JAKMIP1: variants seen among roughly 807,000 people sequenced by gnomAD.
The protein encoded by JAKMIP1 is janus kinase and microtubule interacting protein 1.
In JAKMIP1, 33 loss-of-function variants were observed where a neutral mutation model predicts 113.0. The ratio of observed to expected loss-of-function variants is 0.29; its 90% CI spans 0.22 to 0.39. JAKMIP1 has a LOEUF of 0.39. JAKMIP1 is among the 10% of genes least tolerant of loss of function. The pLI, the probability that JAKMIP1 is intolerant of heterozygous loss-of-function variation, is 1.00. For missense variants in JAKMIP1, 813 were observed against 1,080.5 expected (o/e 0.75, Z 3.47); for synonymous variants, 480 against 459.9 (o/e 1.04, Z -0.56).
chr4:6,082,849 A>G (rs1264578504), intron 5 of JAKMIP1, among the ~76,000 whole-genome samples: 1 of 152,172 alleles, frequency 6.6e-6, no homozygotes, highest in African/African-American at 2.4e-5. Context: ...AAGAGAGGTG[A>G]ACAGACCATG....
At position 6,060,510 on chromosome 4, in the gene JAKMIP1, G is replaced by A; in HGVS notation, c.1561-3C>T. 1 of 1,613,330 alleles carries A rather than the reference G, an allele frequency of 6.2e-7. No individual in the cohort carries two copies. The highest frequency in any genetic ancestry group is 8.5e-7 in the Non-Finnish European group (1 of 1,179,322). ...TCAGCTTGTAGCTGCTCCCGAGTCT[G>A]GAAGGGAAAAGACCAGGCAGTGAGC... On this transcript the variant is annotated splice_region_variant and splice_polypyrimidine_tract_variant and intron_variant, in intron 10 of 20. Transcript: ENST00000409021.
At chr4:6,128,424 G>C (rs1240394193) in intron 1 of JAKMIP1, among the ~76,000 whole-genome samples, 2 of 152,180 alleles carry the variant, frequency 1.3e-5, no homozygotes, top group Non-Finnish European at 2.9e-5. Flanking sequence ...GCTGCAAGCA[G>C]TGAATGAGCT....
chr4:6,186,210 G>C lies in JAKMIP1; in HGVS notation c.-148+14043C>G, dbSNP rs1308741242. ...CTTCCCTGGAGCTTGCCAGGGGCAG[G>C]TCAGGCGGATGGGCAGGATGCAGAC... On this transcript the variant is annotated intron_variant, in intron 1 of 20. Transcript: ENST00000409021. This position sits in a 1 kb window ranked among gnomAD's most constrained non-coding sequence, Gnocchi z 5.5. Among the ~76,000 whole-genome samples the C allele has an allele frequency of 1.3e-5, 2 of 152,334 alleles. No individual in the cohort carries two copies. Among genetic ancestry groups the C allele is most frequent in the East Asian group, 3.9e-4 (2 of 5,176 alleles).
rs759533222 is a variant in JAKMIP1, at chr4:6,064,857, G to T, written c.1431+23C>A. 1 of 1,613,434 alleles carries T rather than the reference G, an allele frequency of 6.2e-7. No homozygotes were observed. Among genetic ancestry groups the T allele is most frequent in the South Asian group, 1.1e-5 (1 of 91,036 alleles). On this transcript the variant is annotated intron_variant, in intron 9 of 20. Transcript: ENST00000409021. This position sits in a 1 kb window ranked among gnomAD's most constrained non-coding sequence, Gnocchi z 4.3. The stretch of plus-strand genomic sequence containing the variant: ...CCGAGAGCATCTGGGGTGAGGTCCC[G>T]CCCTCTCTGCAGGTTTGCTTACATC...
intron 20 of JAKMIP1, among the ~76,000 whole-genome samples, chr4:6,026,923 T>C (rs1458426404): frequency 1.3e-5 from 2 of 151,246 alleles, no homozygotes; most frequent in Non-Finnish European, 2.9e-5. Flanking sequence ...GTGTAATTTA[T>C]GTGTGGCCCA....
intron 8 of JAKMIP1, among the ~76,000 whole-genome samples, chr4:6,066,013 A>G (rs1298022898): frequency 2.6e-5 from 4 of 152,050 alleles, no homozygotes; most frequent in Non-Finnish European, 5.9e-5. Flanking sequence ...TTTCCCAAAC[A>G]GCCCCCGACA....
At chr4:6,082,556 T>G (rs1158171307) in intron 5 of JAKMIP1, among the ~76,000 whole-genome samples, 1 of 151,914 alleles carries the variant, frequency 6.6e-6, no homozygotes, top group African/African-American at 2.4e-5. Context: ...CAGGCTTGAG[T>G]GCCGTGGCGT....
At chr4:6,046,065 G>A (rs1029951673) in intron 16 of JAKMIP1, among the ~76,000 whole-genome samples, 2 of 152,166 alleles carry the variant, frequency 1.3e-5, no homozygotes, top group African/African-American at 2.4e-5. Flanking sequence ...AGTGCCTGTC[G>A]GCTCTAGGGT....
chr4:6,099,257 TCTC>T (rs2108861215), intron 3 of JAKMIP1, among the ~76,000 whole-genome samples: 1 of 152,372 alleles, frequency 6.6e-6, no homozygotes, highest in South Asian at 2.1e-4. Flanking sequence ...TGCTGTCTCT[TCTC>T]CATTTGTCTC....
Position 6,193,108 on chromosome 4 carries a change from T to C in JAKMIP1, c.-148+7145A>G, listed in dbSNP as rs967244258. 6.6e-6 allele frequency among the ~76,000 whole-genome samples: 1 copy of C among 152,006 alleles called. No homozygotes were observed. Among genetic ancestry groups the C allele is most frequent in the African/African-American group, 2.4e-5 (1 of 41,374 alleles). On this transcript the variant is annotated intron_variant, in intron 1 of 20. Coordinates refer to ENST00000409021, the MANE Select transcript of JAKMIP1 (RefSeq NM_001099433.2). The surrounding 1 kb of genome is among the most constrained non-coding windows in gnomAD (Gnocchi z 6.4). ...AAGATGGAAGAGCAAACTTGCTGAG[T>C]CTTCTGGCCCCATCTTTCTCCCATG...
intron 1 of JAKMIP1, among the ~76,000 whole-genome samples, chr4:6,113,298 A>G (rs1360238791): frequency 6.6e-6 from 1 of 152,216 alleles, no homozygotes; most frequent in Non-Finnish European, 1.5e-5. Context: ...GGATGAGACC[A>G]GCCCATCTCA....
chr4:6,158,619 C>T lies in JAKMIP1; in HGVS notation c.-148+41634G>A, dbSNP rs1391784828. Among the ~76,000 whole-genome samples, 1 of 152,024 alleles carries T rather than the reference C, an allele frequency of 6.6e-6. No homozygotes were observed. The highest frequency in any genetic ancestry group is 1.5e-5 in the Non-Finnish European group (1 of 68,018). On this transcript the variant is annotated intron_variant, in intron 1 of 20. Coordinates refer to ENST00000409021, the MANE Select transcript of JAKMIP1 (RefSeq NM_001099433.2). This position sits in a 1 kb window ranked among gnomAD's most constrained non-coding sequence, Gnocchi z 5.3. ...TCCCATAGGGCCATTTCTCCACCCC[C>T]CACCCCCACCAGCCCCAGCTAGTAG...
chr4:6,110,182 A>C (rs1478560967), intron 2 of JAKMIP1, among the ~76,000 whole-genome samples: 5 of 152,100 alleles, frequency 3.3e-5, no homozygotes, highest in Admixed American at 3.3e-4. Context: ...TTCCATTTGG[A>C]GATAGATCCT....
In JAKMIP1 at chr4:6,058,527, C is replaced by T. The variant is rs185705638; in HGVS notation, c.1645-1768G>A. The stretch of plus-strand genomic sequence containing the variant: ...CTTTTCGAAAGCAACTTCCTCTTTC[C>T]CTTTGTTCTCTATTACCTTTACCTA... On this transcript the variant is annotated intron_variant, in intron 11 of 20. Coordinates refer to ENST00000409021, the MANE Select transcript of JAKMIP1 (RefSeq NM_001099433.2). 1.4e-4 allele frequency among the ~76,000 whole-genome samples: 21 copies of T among 152,280 alleles called. No homozygotes were observed. The East Asian group carries it at 4.1e-3, about 29-fold the overall frequency.
chr4:6,054,414 T>C (rs981643115), intron 12 of JAKMIP1, among the ~76,000 whole-genome samples: 1 of 152,178 alleles, frequency 6.6e-6, no homozygotes, highest in African/African-American at 2.4e-5. Context: ...TAGGGGCTAC[T>C]TACATATTTG....
Position 6,031,020 on chromosome 4 carries a change from C to T in JAKMIP1, c.2380-1239G>A, listed in dbSNP as rs1037823321. Among the ~76,000 whole-genome samples the T allele has an allele frequency of 6.6e-6, 1 of 152,214 alleles. No homozygotes were observed. Among genetic ancestry groups the T allele is most frequent in the Non-Finnish European group, 1.5e-5 (1 of 68,048 alleles). ...GTAAATAGGACTCCATATGCCTGGG[C>T]CTGTTCCAGTCCTGGAGAGAAAGAC... On this transcript the variant is annotated intron_variant, in intron 19 of 20. Coordinates refer to ENST00000409021, the MANE Select transcript of JAKMIP1 (RefSeq NM_001099433.2). The surrounding 1 kb of genome is among the most constrained non-coding windows in gnomAD (Gnocchi z 4.4).
In JAKMIP1 at chr4:6,139,885, G is replaced by A. The variant is rs954220288; in HGVS notation, c.-147-26888C>T. On this transcript the variant is annotated intron_variant, in intron 1 of 20. Transcript: ENST00000409021. This position sits in a 1 kb window ranked among gnomAD's most constrained non-coding sequence, Gnocchi z 5.2. Reference sequence around the variant, plus strand: ...GAGGAGGTCACGGGGCAGATTCCACGAGCCAAGGAATACCAAGGACTGCCA... The same window carrying A: ...GAGGAGGTCACGGGGCAGATTCCACAAGCCAAGGAATACCAAGGACTGCCA... Among the ~76,000 whole-genome samples, 3 of 152,038 alleles carry A rather than the reference G, an allele frequency of 2.0e-5. No homozygotes were observed. The highest frequency in any genetic ancestry group is 4.4e-5 in the Non-Finnish European group (3 of 68,022).
chr4:6,062,468 A>T (rs1717441764), intron 9 of JAKMIP1, 28 bp from the exon 10 acceptor site: 1 of 1,590,414 alleles, frequency 6.3e-7, no homozygotes, highest in African/African-American at 1.3e-5. Flanking sequence ...GAAAACAAAT[A>T]ATCAAGTGCA....
intron 19 of JAKMIP1, among the ~76,000 whole-genome samples, 185 bp downstream of exon 19, chr4:6,035,719 C>A (rs1015807557): frequency 6.6e-6 from 1 of 152,240 alleles, no homozygotes; most frequent in Non-Finnish European, 1.5e-5. Flanking sequence ...AAGTGCCCCA[C>A]GTCTTGCCCC....
Sources: gnomAD v4.1 joint callset for allele counts (sites outside exome capture counted in the v4.1 genomes callset) on GRCh38, gnomAD v4.1.1 for gene constraint, Gnocchi (gnomAD v3.1) non-coding constraint, MANE v1.5 for transcripts, NCBI Gene and HGNC (gene_info 2026-07-23, HGNC 2026-07-21) for gene names.